Variants in EPN1 observed in about 807,000 individuals in gnomAD.
EPN1 encodes the protein epsin-1.
Under a neutral mutation model 56.9 loss-of-function variants are expected in EPN1, and 25 were observed. The observed-to-expected ratio is 0.44, with a 90% CI of 0.32 to 0.61. The LOEUF is 0.61. EPN1 is among the 20% of genes least tolerant of loss of function. EPN1 has a pLI of 0.05. For missense variants in EPN1, 785 were observed against 823.7 expected (o/e 0.95, Z 0.58); for synonymous variants, 411 against 361.8 (o/e 1.14, Z -1.54).
rs567512695 is a variant in EPN1 at position 55,691,006 on chromosome 19, G to A, written c.763-748G>A. On this transcript the variant is annotated intron_variant, in intron 6 of 10. Transcript: ENST00000270460. This position sits in a 1 kb window ranked among gnomAD's most constrained non-coding sequence, Gnocchi z 5.6. ...CTTCTCCCCTTCCCATCCCCGCCGG[G>A]GCCTTTGCCTCACGGGTGCTGACTG... 7.9e-5 allele frequency among the ~76,000 whole-genome samples: 12 copies of A among 152,264 alleles called. No individual in the cohort carries two copies. Among genetic ancestry groups the A allele is most frequent in the African/African-American group, 2.9e-4 (12 of 41,546 alleles).
At chr19:55,678,949 G>C in intron 2 of EPN1, 94 bp downstream of exon 2, 1 of 799,456 alleles carries the variant, frequency 1.3e-6, no homozygotes, top group South Asian at 1.7e-5. Flanking sequence ...TGGCATCCCG[G>C]TTCTCAAGAG....
rs897436153 is a variant in EPN1 at position 55,698,566 on chromosome 19, C to T, written c.*3210C>T. The T allele has an allele frequency of 4.6e-5, 7 of 152,690 alleles. No homozygotes were observed. Among genetic ancestry groups the T allele is most frequent in the African/African-American group, 1.7e-4 (7 of 41,580 alleles). The allele number at this position is 152,690 out of a possible 1,614,324, so 9.5% of individuals were successfully genotyped here. ...CCCTCGCTCTACTCCCGCCCTCGCC[C>T]TATCCTCGCTCCTCGCCCTACGCTT... is the stretch of plus-strand genomic sequence containing the variant. On this transcript the variant is annotated 3_prime_UTR_variant, in exon 11 of 11. Coordinates refer to ENST00000270460, the MANE Select transcript of EPN1 (RefSeq NM_001130072.2).
Position 55,692,563 on chromosome 19 carries a change from G to C in EPN1, c.1067-123G>C, listed in dbSNP as rs61642477. 6.9e-3 allele frequency: 4,125 copies of C among 596,546 alleles called. 160 individuals carry two copies. The African/African-American group carries it at 0.072, about 10-fold the overall frequency. 37.0% of individuals were successfully genotyped at this position (596,546 alleles called of 1,614,324 possible). On this transcript the variant is annotated intron_variant, in intron 7 of 10. Coordinates refer to ENST00000270460, the MANE Select transcript of EPN1 (RefSeq NM_001130072.2). ...GTGTGTGTGCGGGAGGCCGGGTGGG[G>C]TGGGTTTCTGGGGGGCAGGGGGGCT...
Position 55,708,944 on chromosome 19 carries a change from C to A in EPN1, c.*13588C>A. On this transcript the variant is annotated 3_prime_UTR_variant, in exon 11 of 11. Coordinates refer to ENST00000270460, the MANE Select transcript of EPN1 (RefSeq NM_001130072.2). ...AGCACACCCCTGATCTTGTATTCCT[C>A]GTCAATCCAAGGTCCATGTGAAATG... 1.9e-6 allele frequency: 3 copies of A among 1,570,806 alleles called. No homozygotes were observed. The highest frequency in any genetic ancestry group is 2.6e-6 in the Non-Finnish European group (3 of 1,163,556).
chr19:55,689,980 C>A lies in EPN1; in HGVS notation c.762+30C>A, dbSNP rs777026436. The A allele has an allele frequency of 6.4e-7, 1 of 1,560,556 alleles. No homozygotes were observed. Among genetic ancestry groups the A allele is most frequent in the Admixed American group, 1.9e-5 (1 of 53,136 alleles). On this transcript the variant is annotated intron_variant, in intron 6 of 10. Transcript: ENST00000270460. The surrounding 1 kb of genome is among the most constrained non-coding windows in gnomAD (Gnocchi z 5.7). ...GCGGGGCTTGTTCTGCCCTCCCTGGCCCCTGCAGGTGTCCGTCCGTCCCAT... is the reference window on the plus strand; with the variant it reads ...GCGGGGCTTGTTCTGCCCTCCCTGGACCCTGCAGGTGTCCGTCCGTCCCAT...
chr19:55,691,737 T>G lies in EPN1; in HGVS notation c.763-17T>G, dbSNP rs1986561538. 1 of 1,605,684 alleles carries G rather than the reference T, an allele frequency of 6.2e-7. No individual in the cohort carries two copies. Among genetic ancestry groups the G allele is most frequent in the Non-Finnish European group, 8.5e-7 (1 of 1,175,762 alleles). On this transcript the variant is annotated splice_polypyrimidine_tract_variant and intron_variant, in intron 6 of 10. Transcript: ENST00000270460. The surrounding 1 kb of genome is among the most constrained non-coding windows in gnomAD (Gnocchi z 5.6). ...CCACCACTTCTTCATGCTCCTTCTCTTCTCTCTCCCCCACAGTCGTCCCTC... is the reference window on the plus strand; with the variant it reads ...CCACCACTTCTTCATGCTCCTTCTCGTCTCTCTCCCCCACAGTCGTCCCTC...
At chr19:55,685,903 A>T (rs565896107) in intron 3 of EPN1, among the ~76,000 whole-genome samples, 1 of 152,004 alleles carries the variant, frequency 6.6e-6, no homozygotes, top group East Asian at 1.9e-4. Flanking sequence ...GGGAACTTTT[A>T]TTCCGCTCCC....
chr19:55,694,277 C>A lies in EPN1; in HGVS notation c.1265-449C>A. 1 of 158,988 alleles carries A rather than the reference C, an allele frequency of 6.3e-6. No individual in the cohort carries two copies. The allele number at this position is 158,988 out of a possible 1,614,324, so 9.8% of individuals were successfully genotyped here. A position where few individuals can be genotyped will look rare whatever the true frequency, so the allele number is the denominator to read the frequency against. On this transcript the variant is annotated intron_variant, in intron 9 of 10. Transcript: ENST00000270460. The surrounding 1 kb of genome is among the most constrained non-coding windows in gnomAD (Gnocchi z 4.2). Reference sequence around the variant, plus strand: ...CAGACCTCTAGCCAACAGATGTCTTCACGCTGGCCCGGAACACGTGTCTGT... The same window carrying A: ...CAGACCTCTAGCCAACAGATGTCTTAACGCTGGCCCGGAACACGTGTCTGT...
At chr19:55,679,223 C>G (rs1985641112) in intron 2 of EPN1, among the ~76,000 whole-genome samples, 1 of 152,236 alleles carries the variant, frequency 6.6e-6, no homozygotes, top group African/African-American at 2.4e-5. Flanking sequence ...CTCCCCGTGG[C>G]ACAGGCGATG....
chr19:55,692,847 A>G, intron 8 of EPN1, 51 bp downstream of exon 8: 1 of 1,584,292 alleles, frequency 6.3e-7, no homozygotes, highest in Non-Finnish European at 8.6e-7. Flanking sequence ...GAGTGGGAGA[A>G]GTTAGTGTTG....
chr19:55,691,267 G>T lies in EPN1; in HGVS notation c.763-487G>T, dbSNP rs140708638. Among the ~76,000 whole-genome samples the T allele has an allele frequency of 5.3e-5, 8 of 152,228 alleles. No individual in the cohort carries two copies. Among genetic ancestry groups the T allele is most frequent in the African/African-American group, 1.9e-4 (8 of 41,542 alleles). ...GGCAACGTAGGGGGCATCGTGAGGG[G>T]TGCTCAGGTTGACCTGAGTGGGTTC... On this transcript the variant is annotated intron_variant, in intron 6 of 10. Coordinates refer to ENST00000270460, the MANE Select transcript of EPN1 (RefSeq NM_001130072.2). The surrounding 1 kb of genome is among the most constrained non-coding windows in gnomAD (Gnocchi z 5.6).
chr19:55,685,087 C>T (rs569886950), intron 2 of EPN1, among the ~76,000 whole-genome samples: 11 of 152,374 alleles, frequency 7.2e-5, no homozygotes, highest in African/African-American at 2.4e-4. Context: ...CAATCCACTC[C>T]GTCTCTCTGG....
Position 55,689,760 on chromosome 19 carries a change from G to T in EPN1, c.679-107G>T. On this transcript the variant is annotated intron_variant, in intron 5 of 10. Transcript: ENST00000270460. This position sits in a 1 kb window ranked among gnomAD's most constrained non-coding sequence, Gnocchi z 5.7. ...TGTCCGCATCCCATCGAATCCTTCA[G>T]CCGCTTTCGTTGGGGTGGGAGGGGT... The T allele has an allele frequency of 9.8e-7, 1 of 1,022,394 alleles. No homozygotes were observed. Among genetic ancestry groups the T allele is most frequent in the Non-Finnish European group, 1.5e-6 (1 of 672,252 alleles). 63.3% of individuals were successfully genotyped at this position (1,022,394 alleles called of 1,614,324 possible).
Position 55,689,469 on chromosome 19 carries a change from C to T in EPN1, c.678+98C>T, listed in dbSNP as rs1041803272. The stretch of plus-strand genomic sequence containing the variant: ...TCACCCCCCACCATCCTGCTGGGCC[C>T]GAAGCCCACAGGCTCACGCGTGTTG... On this transcript the variant is annotated intron_variant, in intron 5 of 10. Transcript: ENST00000270460. The surrounding 1 kb of genome is among the most constrained non-coding windows in gnomAD (Gnocchi z 5.7). 6.2e-5 allele frequency: 57 copies of T among 916,754 alleles called. No homozygotes were observed. Among genetic ancestry groups the T allele is most frequent in the African/African-American group, 2.3e-4 (14 of 60,854 alleles). The allele number at this position is 916,754 out of a possible 1,614,324, so 56.8% of individuals were successfully genotyped here. A position where few individuals can be genotyped will look rare whatever the true frequency, so the allele number is the denominator to read the frequency against.
In EPN1 at chr19:55,691,255, G is replaced by T. The variant is rs542840434; in HGVS notation, c.763-499G>T. On this transcript the variant is annotated intron_variant, in intron 6 of 10. Transcript: ENST00000270460. The surrounding 1 kb of genome is among the most constrained non-coding windows in gnomAD (Gnocchi z 5.6). Reference sequence around the variant, plus strand: ...GGGTGACGGCGGGGCAACGTAGGGGGCATCGTGAGGGGTGCTCAGGTTGAC... The same window carrying T: ...GGGTGACGGCGGGGCAACGTAGGGGTCATCGTGAGGGGTGCTCAGGTTGAC... Among the ~76,000 whole-genome samples the T allele has an allele frequency of 6.6e-6, 1 of 152,274 alleles. No homozygotes were observed. The highest frequency in any genetic ancestry group is 2.1e-4 in the South Asian group (1 of 4,818).
chr19:55,688,774 G>A, intron 3 of EPN1, 96 bp from the exon 4 acceptor site: 1 of 1,515,218 alleles, frequency 6.6e-7, no homozygotes. Flanking sequence ...TTGGGGGGTG[G>A]GGTTGGACAC....
intron 2 of EPN1, among the ~76,000 whole-genome samples, chr19:55,679,146 C>CAAG (rs1276154493): frequency 6.6e-6 from 1 of 152,256 alleles, no homozygotes; most frequent in African/African-American, 2.4e-5. Flanking sequence ...CACCCAGTTC[C>CAAG]TTTCCTCACA....
chr19:55,677,662 C>T, intron 1 of EPN1: 1 of 1,551,646 alleles, frequency 6.4e-7, no homozygotes, highest in Non-Finnish European at 8.7e-7. Context: ...CCTTATCTCT[C>T]CTGAGCCTTG....
chr19:55,695,574 C>T lies in EPN1; in HGVS notation c.*218C>T, dbSNP rs912242144. ...GAGGGGAGCTGGCCAGAGGAGGACC[C>T]CTTTCCCGTGGCATTAGAAGGGGGA... is the stretch of plus-strand genomic sequence containing the variant. On this transcript the variant is annotated 3_prime_UTR_variant, in exon 11 of 11. Coordinates refer to ENST00000270460, the MANE Select transcript of EPN1 (RefSeq NM_001130072.2). This position sits in a 1 kb window ranked among gnomAD's most constrained non-coding sequence, Gnocchi z 4.4. 1.8e-6 allele frequency: 1 copy of T among 541,552 alleles called. No individual in the cohort carries two copies. The highest frequency in any genetic ancestry group is 3.4e-5 in the Admixed American group (1 of 29,014). 33.5% of individuals were successfully genotyped at this position (541,552 alleles called of 1,614,324 possible).
Sources: allele counts gnomAD v4.1 joint callset (sites outside exome capture counted in the v4.1 genomes callset), GRCh38; gene constraint gnomAD v4.1.1; non-coding constraint Gnocchi (gnomAD v3.1); transcripts MANE v1.5; gene names NCBI Gene and HGNC (gene_info 2026-07-23, HGNC 2026-07-21).